CADM2: variants seen among roughly 807,000 people sequenced by gnomAD.
The protein encoded by CADM2 is cell adhesion molecule 2, also known as immunoglobulin superfamily member 4D.
Under a neutral mutation model 49.8 loss-of-function variants are expected in CADM2, and 12 were observed. The observed-to-expected ratio is 0.24, with a 90% CI of 0.15 to 0.39. The LOEUF (loss-of-function observed/expected upper bound fraction) is 0.39, where lower values mean the gene tolerates loss of function less well. CADM2 is among the 10% of genes least tolerant of loss of function. The probability of loss-of-function intolerance (pLI) is 1.00; values close to 1 mark genes in which losing one functional copy is unlikely to be tolerated. For missense variants in CADM2, 378 were observed against 492.3 expected, an observed-to-expected ratio of 0.77 and a Z score of 2.20; for synonymous variants, 214 against 175.4, an observed-to-expected ratio of 1.22 and a Z score of -1.74.
chr3:85,733,315 A>G (rs1431914459), intron 2 of CADM2, among the ~76,000 whole-genome samples: 2 of 152,206 alleles, frequency 1.3e-5, no homozygotes, highest in Non-Finnish European at 2.9e-5. Context: ...ATTTTATTGT[A>G]AGATGACCCA....
intron 1 of CADM2, among the ~76,000 whole-genome samples, chr3:85,105,962 G>A (rs1206946485): frequency 6.6e-6 from 1 of 151,880 alleles, no homozygotes; most frequent in African/African-American, 2.4e-5. Context: ...GGGGACGGGG[G>A]AAGGATAGCT....
intron 1 of CADM2, among the ~76,000 whole-genome samples, chr3:85,518,501 C>T (rs2060955095): frequency 6.6e-6 from 1 of 151,772 alleles, no homozygotes. Context: ...TGCCAGGTAA[C>T]CACATCTTAT....
chr3:85,348,589 A>T (rs892431200), intron 1 of CADM2, among the ~76,000 whole-genome samples: 7 of 152,212 alleles, frequency 4.6e-5, no homozygotes, highest in African/African-American at 1.7e-4. Flanking sequence ...TGGCATAACA[A>T]AATTAACAGA....
intron 1 of CADM2, among the ~76,000 whole-genome samples, chr3:85,147,751 T>G (rs1477246898): frequency 2.0e-5 from 3 of 152,168 alleles, no homozygotes; most frequent in Non-Finnish European, 4.4e-5. Context: ...AAGAATTTTA[T>G]TTATGTTGAT....
intron 1 of CADM2, among the ~76,000 whole-genome samples, chr3:85,027,712 G>A (rs1003532303): frequency 2.0e-5 from 3 of 152,048 alleles, no homozygotes; most frequent in African/African-American, 7.2e-5. Flanking sequence ...TGTAAAAAGA[G>A]CTTTACATAA....
intron 1 of CADM2, among the ~76,000 whole-genome samples, chr3:85,058,714 G>A (rs1048687746): frequency 2.0e-5 from 3 of 151,794 alleles, no homozygotes; most frequent in African/African-American, 7.3e-5. Flanking sequence ...CAAAGTGCTG[G>A]GATTACAGGC....
chr3:84,997,828 G>T (rs1351358707), intron 1 of CADM2, among the ~76,000 whole-genome samples: 1 of 152,048 alleles, frequency 6.6e-6, no homozygotes, highest in African/African-American at 2.4e-5. Context: ...AATAATCCAA[G>T]TATCCAAGCA....
chr3:85,014,048 A>G (rs1337488433), intron 1 of CADM2, among the ~76,000 whole-genome samples: 1 of 145,514 alleles, frequency 6.9e-6, no homozygotes, highest in Non-Finnish European at 1.5e-5. Context: ...TGTATATTAT[A>G]TATACGCAGT....
intron 1 of CADM2, among the ~76,000 whole-genome samples, chr3:85,530,322 GTTTTTTTTT>G (rs57504567): frequency 1.6e-4 from 5 of 31,256 alleles, no homozygotes; most frequent in Admixed American, 4.5e-4. Context: ...TCTTTTCTCC[GTTTTTTTTT>G]TTTTTTTTTT....
chr3:85,951,217 CAA>C (rs1723386718), intron 7 of CADM2, among the ~76,000 whole-genome samples: 1 of 150,942 alleles, frequency 6.6e-6, no homozygotes, highest in African/African-American at 2.4e-5. Flanking sequence ...ATATTTAAAA[CAA>C]AAGAGTAGAG....
At chr3:85,052,359 A>C (rs192614308) in intron 1 of CADM2, among the ~76,000 whole-genome samples, 2 of 152,104 alleles carry the variant, frequency 1.3e-5, no homozygotes, top group African/African-American at 4.8e-5. Context: ...AAGTATTACC[A>C]TTGACTTATA....
intron 1 of CADM2, among the ~76,000 whole-genome samples, chr3:85,679,672 C>G (rs1339281406): frequency 6.6e-6 from 1 of 152,130 alleles, no homozygotes; most frequent in African/African-American, 2.4e-5. Flanking sequence ...TGCTTCCAAT[C>G]GCAGAACCAG....
At chr3:85,894,793 C>T (rs1374178931) in intron 5 of CADM2, among the ~76,000 whole-genome samples, 1 of 152,192 alleles carries the variant, frequency 6.6e-6, no homozygotes, top group African/African-American at 2.4e-5. Context: ...GATGCTGCTT[C>T]AGAGGGTGCA....
intron 1 of CADM2, among the ~76,000 whole-genome samples, chr3:85,181,702 A>T (rs529568563): frequency 6.6e-6 from 1 of 151,838 alleles, no homozygotes; most frequent in Non-Finnish European, 1.5e-5. Flanking sequence ...TCAAATGTTC[A>T]TAGAGATATT....
intron 1 of CADM2, among the ~76,000 whole-genome samples, chr3:85,202,808 A>G (rs1224139931): frequency 2.0e-5 from 3 of 152,164 alleles, no homozygotes; most frequent in Non-Finnish European, 4.4e-5. Context: ...GTCTACATGG[A>G]AAATCTGTTT....
chr3:85,650,205 T>C (rs141673725), intron 1 of CADM2, among the ~76,000 whole-genome samples: 1 of 152,302 alleles, frequency 6.6e-6, no homozygotes, highest in East Asian at 1.9e-4. Context: ...TGAAGCCTTC[T>C]GAAAATTTCC....
chr3:85,843,135 A>G (rs530316086), intron 3 of CADM2, among the ~76,000 whole-genome samples: 96 of 152,278 alleles, frequency 6.3e-4, no homozygotes, highest in Non-Finnish European at 1.2e-3. Context: ...CACTAGACAC[A>G]TCTTTTGAAA....
intron 1 of CADM2, among the ~76,000 whole-genome samples, chr3:85,381,756 A>C (rs2033922727): frequency 6.6e-6 from 1 of 152,032 alleles, no homozygotes; most frequent in Non-Finnish European, 1.5e-5. Flanking sequence ...CAGCCTGAGC[A>C]GGGCTGCAGG....
intron 1 of CADM2, among the ~76,000 whole-genome samples, chr3:85,463,424 A>T (rs1194067628): frequency 6.6e-6 from 1 of 152,152 alleles, no homozygotes; most frequent in East Asian, 1.9e-4. Flanking sequence ...CAAGGAATGC[A>T]TTTAAGTATT....
Sources: gnomAD v4.1 joint callset for allele counts (sites outside exome capture counted in the v4.1 genomes callset) on GRCh38, gnomAD v4.1.1 for gene constraint, MANE v1.5 for transcripts, NCBI Gene and HGNC (gene_info 2026-07-23, HGNC 2026-07-21) for gene names.